Variants in OTUD4 observed in about 807,000 individuals in gnomAD.
OTUD4 encodes the protein OTU deubiquitinase 4.
OTUD4 carries 24 observed loss-of-function variants against 130.4 expected under a neutral mutation model. The ratio of observed to expected loss-of-function variants is 0.18; its 90% CI spans 0.13 to 0.26. The LOEUF (loss-of-function observed/expected upper bound fraction) is 0.26, where lower values mean the gene tolerates loss of function less well. Ranked by LOEUF, OTUD4 falls within the 10% of genes least tolerant of loss-of-function variation. The pLI, the probability that OTUD4 is intolerant of heterozygous loss-of-function variation, is 1.00. For missense variants in OTUD4, 1,031 were observed against 1,329.4 expected (o/e 0.78, Z 3.49); for synonymous variants, 420 against 472.5 (o/e 0.89, Z 1.44).
intron 10 of OTUD4, among the ~76,000 whole-genome samples, chr4:145,153,807 A>G (rs1751166779): frequency 6.6e-6 from 1 of 152,226 alleles, no homozygotes; most frequent in Admixed American, 6.5e-5. Context: ...CATCAATGAC[A>G]ATAAAGACAT....
chr4:145,171,783 C>T (rs192663836), intron 2 of OTUD4, 63 bp from the exon 3 acceptor site: 19 of 791,122 alleles, frequency 2.4e-5, no homozygotes, highest in Middle Eastern at 2.4e-4. Context: ...TTAACCGCTT[C>T]GCTGTGTAAA....
intron 3 of OTUD4, 78 bp from the exon 4 acceptor site, chr4:145,165,275 C>T (rs1221098308): frequency 1.2e-6 from 1 of 835,124 alleles, no homozygotes; most frequent in East Asian, 2.4e-5. Context: ...TACATACCTT[C>T]ATACAGCATA....
rs36226295 is a variant in OTUD4, at chr4:145,151,288, A to C, written c.969-383T>G. Among the ~76,000 whole-genome samples the C allele has an allele frequency of 9.7e-3, 1,484 of 152,288 alleles. 18 individuals carry two copies. Among genetic ancestry groups the C allele is most frequent in the Non-Finnish European group, 0.015 (1,037 of 68,040 alleles). On this transcript the variant is annotated intron_variant, in intron 11 of 20. Transcript: ENST00000447906. ...GGTGTGATGTTTGGATTCCTTCAAA[A>C]TATGCCAATTTCATTTTCATTTTTT... is the stretch of plus-strand genomic sequence containing the variant.
At chr4:145,139,843 T>C in intron 20 of OTUD4, 108 bp downstream of exon 20, 1 of 442,008 alleles carries the variant, frequency 2.3e-6, no homozygotes, top group Non-Finnish European at 4.1e-6. Flanking sequence ...AATGATGAGA[T>C]TTAGTAAACT....
chr4:145,154,553 G>T (rs1280282964), intron 10 of OTUD4, among the ~76,000 whole-genome samples: 1 of 152,166 alleles, frequency 6.6e-6, no homozygotes, highest in Non-Finnish European at 1.5e-5. Flanking sequence ...TTTTGTGTAT[G>T]TGGGGGTTTT....
chr4:145,137,923 G>A lies in OTUD4; in HGVS notation c.2852C>T (p.Ala951Val). The change falls in exon 21 of 21, where the codon GCT becomes GTT. Residue 951 changes from alanine to valine, a missense_variant. This residue lies in a region of OTUD4 where 900 missense variants were observed against 1,095.9 expected (regional missense o/e 0.82). Coordinates refer to ENST00000447906, the MANE Select transcript of OTUD4 (RefSeq NM_001366057.1). Reference protein sequence around the residue: ...SQTRKADTALASIPPVAEGKA... With the variant: ...SQTRKADTALVSIPPVAEGKA... ...TCCCTCTGCTACAGGAGGGATGGAA[G>A]CCAATGCCGTATCTGCCTTTCGTGT... 6.2e-7 allele frequency: 1 copy of A among 1,614,152 alleles called. No individual in the cohort carries two copies. The highest frequency in any genetic ancestry group is 8.5e-7 in the Non-Finnish European group (1 of 1,180,038).
intron 1 of OTUD4, among the ~76,000 whole-genome samples, chr4:145,175,441 C>T (rs781316127): frequency 2.0e-5 from 3 of 152,196 alleles, no homozygotes; most frequent in Non-Finnish European, 4.4e-5. Context: ...TCCTCTCACT[C>T]TGCAGTTTAC....
chr4:145,152,003 T>C (rs1348605467), intron 11 of OTUD4, among the ~76,000 whole-genome samples: 1 of 152,218 alleles, frequency 6.6e-6, no homozygotes, highest in Non-Finnish European at 1.5e-5. Flanking sequence ...ACTGCCTTTG[T>C]GCACAATGGT....
At chr4:145,159,315 C>G in intron 7 of OTUD4, 188 bp downstream of exon 7, 2 of 1,399,904 alleles carry the variant, frequency 1.4e-6, no homozygotes, top group Non-Finnish European at 1.9e-6. Context: ...TCAAAACAAA[C>G]AGTCCCATAA....
chr4:145,138,108 T>A lies in OTUD4; in HGVS notation c.2667A>T (p.Glu889Asp). Reference protein sequence around the residue: ...NIVLPSDEKGELDLSLENLDL... With the variant: ...NIVLPSDEKGDLDLSLENLDL... ...CCAGATTTTCCAGAGACAGATCCAATTCTCCTTTTTCATCAGAGGGCAGGA... is the reference window on the plus strand; with the variant it reads ...CCAGATTTTCCAGAGACAGATCCAAATCTCCTTTTTCATCAGAGGGCAGGA... Residue 889 changes from glutamate (E) to aspartate (D), a missense_variant, in exon 21 of 21, where the codon GAA becomes GAT. By Grantham distance (45) the Glu-to-Asp change is conservative. Around this residue, in one of 3 missense-constraint regions of OTUD4, gnomAD observed 900 missense variants for 1,095.9 expected, o/e 0.82. Transcript: ENST00000447906. 6.2e-7 allele frequency: 1 copy of A among 1,614,034 alleles called. No homozygotes were observed. The highest frequency in any genetic ancestry group is 8.5e-7 in the Non-Finnish European group (1 of 1,179,890).
Position 145,180,316 on chromosome 4 carries a change from CCCA to C in OTUD4, c.-346_-344del, listed in dbSNP as rs998228863. On this transcript the variant is annotated 5_prime_UTR_variant, in exon 1 of 21. Transcript: ENST00000447906. Reference sequence around the variant, plus strand: ...AGGACCCAGGCCGGGGGTCGCCGCCCCCACAAGTTTCCTCCTCCGTACCGGTGT... The same window carrying C: ...AGGACCCAGGCCGGGGGTCGCCGCCCCAAGTTTCCTCCTCCGTACCGGTGT... Among the ~76,000 whole-genome samples, 1 of 152,044 alleles carries C rather than the reference CCCA, an allele frequency of 6.6e-6. No individual in the cohort carries two copies. Among genetic ancestry groups the C allele is most frequent in the Non-Finnish European group, 1.5e-5 (1 of 67,992 alleles).
intron 1 of OTUD4, 149 bp downstream of exon 1, chr4:145,179,666 C>G (rs1335684031): frequency 1.4e-6 from 2 of 1,404,900 alleles, no homozygotes; most frequent in African/African-American, 3.1e-5. Flanking sequence ...CGTCCCACTC[C>G]GGCGTTACAA....
intron 2 of OTUD4, among the ~76,000 whole-genome samples, chr4:145,172,904 CCTCT>C (rs780740772): frequency 3.0e-4 from 45 of 152,046 alleles, no homozygotes; most frequent in Admixed American, 4.6e-4. Flanking sequence ...AAGCCTGCAT[CCTCT>C]CTGAGAGTCT....
Position 145,137,089 on chromosome 4 carries a change from CTT to C in OTUD4, c.*339_*340del, listed in dbSNP as rs1451368093. 1 of 188,996 alleles carries C rather than the reference CTT, an allele frequency of 5.3e-6. No homozygotes were observed. Among genetic ancestry groups the C allele is most frequent in the Non-Finnish European group, 1.1e-5 (1 of 92,182 alleles). 11.7% of individuals were successfully genotyped at this position (188,996 alleles called of 1,614,324 possible). On this transcript the variant is annotated 3_prime_UTR_variant, in exon 21 of 21. Coordinates refer to ENST00000447906, the MANE Select transcript of OTUD4 (RefSeq NM_001366057.1). ...CACATTTCCAACATCTGAAATCAAA[CTT>C]ATAAACTTATAAGGAAAAAAGCCAA... is the stretch of plus-strand genomic sequence containing the variant.
At chr4:145,152,705 G>T in intron 10 of OTUD4, 70 bp from the exon 11 acceptor site, 2 of 799,776 alleles carry the variant, frequency 2.5e-6, no homozygotes, top group Non-Finnish European at 4.1e-6. Flanking sequence ...TTACTTATCA[G>T]TTTTTTGCGG....
chr4:145,163,757 A>T (rs1751705915), intron 5 of OTUD4, among the ~76,000 whole-genome samples: 1 of 150,040 alleles, frequency 6.7e-6, no homozygotes, highest in African/African-American at 2.5e-5. Context: ...CCCGGGCTGA[A>T]GTGCAATGGT....
chr4:145,143,836 T>C, intron 16 of OTUD4, 110 bp downstream of exon 16: 1 of 759,300 alleles, frequency 1.3e-6, no homozygotes, highest in African/African-American at 1.8e-5. Flanking sequence ...ACTTTCCTAA[T>C]ACACAGCTAT....
At chr4:145,161,418 A>G (rs116581198) in intron 6 of OTUD4, among the ~76,000 whole-genome samples, 1 of 152,244 alleles carries the variant, frequency 6.6e-6, no homozygotes, top group Non-Finnish European at 1.5e-5. Flanking sequence ...TGTATTGCAC[A>G]TATCTTTACT....
rs559905489 is a variant in OTUD4, at chr4:145,146,513, A to C, written c.1260-84T>G. 7.8e-5 allele frequency: 69 copies of C among 882,158 alleles called. No individual in the cohort carries two copies. In the African/African-American group the frequency reaches 9.7e-4, roughly 12 times the overall value. The allele number at this position is 882,158 out of a possible 1,614,324, so 54.6% of individuals were successfully genotyped here. On this transcript the variant is annotated intron_variant, in intron 13 of 20. Coordinates refer to ENST00000447906, the MANE Select transcript of OTUD4 (RefSeq NM_001366057.1). ...AAAACATTCTTGTCAAAAAAAAAAA[A>C]CACAAAACTGTACTGAGTACCTAAA...
Sources: allele counts gnomAD v4.1 joint callset (sites outside exome capture counted in the v4.1 genomes callset), GRCh38; gene constraint gnomAD v4.1.1; regional missense constraint gnomAD v4.1.1; transcripts MANE v1.5; gene names NCBI Gene and HGNC (gene_info 2026-07-23, HGNC 2026-07-21).